SUGCT: variants seen among roughly 807,000 people sequenced by gnomAD.
SUGCT encodes the protein succinyl-CoA:glutarate CoA-transferase.
SUGCT carries 41 observed loss-of-function variants against 55.0 expected under a neutral mutation model. The observed-to-expected ratio is 0.74, with a 90% confidence interval of 0.58 to 0.97. SUGCT has a LOEUF of 0.97. Among genes scored for constraint, SUGCT ranks in the 50% least tolerant of loss-of-function variants. The probability of loss-of-function intolerance (pLI) is 0.00; values close to 1 mark genes in which losing one functional copy is unlikely to be tolerated. For missense variants in SUGCT, 568 were observed against 547.8 expected (o/e 1.04, Z -0.37); for synonymous variants, 187 against 200.4 (o/e 0.93, Z 0.56).
intron 12 of SUGCT, among the ~76,000 whole-genome samples, chr7:40,736,194 TATATA>T (rs557596294): frequency 5.0e-4 from 74 of 147,344 alleles, no homozygotes; most frequent in African/African-American, 1.8e-3. Context: ...AATTTATCAA[TATATA>T]ATATATCAAT....
At chr7:40,843,031 C>T (rs1434482523) in intron 13 of SUGCT, among the ~76,000 whole-genome samples, 2 of 152,184 alleles carry the variant, frequency 1.3e-5, no homozygotes, top group African/African-American at 2.4e-5. Flanking sequence ...CTTGGTTAAA[C>T]TCAATCAGTC....
intron 7 of SUGCT, among the ~76,000 whole-genome samples, chr7:40,247,383 G>T (rs969793340): frequency 1.3e-5 from 2 of 152,092 alleles, no homozygotes; most frequent in Admixed American, 1.3e-4. Flanking sequence ...AGCCTCCTGA[G>T]TAGCTGGGAT....
At chr7:40,229,170 G>A (rs1788564904) in intron 6 of SUGCT, among the ~76,000 whole-genome samples, 1 of 152,118 alleles carries the variant, frequency 6.6e-6, no homozygotes, top group Non-Finnish European at 1.5e-5. Context: ...CAGTGATACT[G>A]GGTTAGTCTT....
intron 11 of SUGCT, among the ~76,000 whole-genome samples, chr7:40,493,911 G>A (rs183584734): frequency 9.9e-5 from 15 of 152,276 alleles, no homozygotes; most frequent in Admixed American, 3.9e-4. Context: ...ATGCAACGAT[G>A]TTCTGTCTCT....
intron 12 of SUGCT, among the ~76,000 whole-genome samples, chr7:40,690,711 G>C (rs1162567057): frequency 6.6e-6 from 1 of 152,076 alleles, no homozygotes; most frequent in Non-Finnish European, 1.5e-5. Context: ...TGGGACTACA[G>C]GCACGTGCCA....
At chr7:40,224,399 C>CGTGTGTGT (rs61318990) in intron 6 of SUGCT, among the ~76,000 whole-genome samples, 99 of 145,472 alleles carry the variant, frequency 6.8e-4, no homozygotes, top group Non-Finnish European at 1.3e-3. Flanking sequence ...ATAATCTGTG[C>CGTGTGTGT]GTGTGTGTGT....
At chr7:40,154,681 C>G (rs1243759150) in intron 1 of SUGCT, among the ~76,000 whole-genome samples, 1 of 152,114 alleles carries the variant, frequency 6.6e-6, no homozygotes, top group East Asian at 1.9e-4. Flanking sequence ...GAAAGCTACT[C>G]TGGCCTAAAG....
the SUGCT span, among the ~76,000 whole-genome samples, chr7:40,942,182 T>A: frequency 3.3e-5 from 5 of 152,190 alleles, no homozygotes; most frequent in Non-Finnish European, 7.4e-5. Flanking sequence ...TTCAAGAGGT[T>A]CTATTCTAGT....
intron 12 of SUGCT, among the ~76,000 whole-genome samples, chr7:40,726,544 T>C (rs976225406): frequency 6.6e-6 from 1 of 152,188 alleles, no homozygotes; most frequent in Non-Finnish European, 1.5e-5. Flanking sequence ...AAGGGTCATC[T>C]GTATTACCCA....
intron 12 of SUGCT, among the ~76,000 whole-genome samples, chr7:40,555,794 G>A (rs191012419): frequency 1.3e-5 from 2 of 152,012 alleles, no homozygotes; most frequent in Admixed American, 1.3e-4. Context: ...TCATATCTCG[G>A]TGTGGCTGCT....
intron 12 of SUGCT, among the ~76,000 whole-genome samples, chr7:40,685,301 A>G (rs771120543): frequency 1.1e-4 from 16 of 152,240 alleles, no homozygotes; most frequent in Non-Finnish European, 2.1e-4. Context: ...CAAGAAATTT[A>G]CAAATTATAA....
rs555336357 is a variant in SUGCT, at chr7:40,821,964, T to C, written c.1154-38352T>C. 3.9e-5 allele frequency among the ~76,000 whole-genome samples: 6 copies of C among 152,336 alleles called. No individual in the cohort carries two copies. In the East Asian group the frequency reaches 1.2e-3, roughly 29 times the overall value. On this transcript the variant is annotated intron_variant, in intron 13 of 13. Coordinates refer to ENST00000335693, the MANE Select transcript of SUGCT (RefSeq NM_001193313.2). ...GTCCCAGAGATTCTGGTATGTTGTGTCTGTGTTCTCATTGGTTTCAAAGAA... is the reference window on the plus strand; with the variant it reads ...GTCCCAGAGATTCTGGTATGTTGTGCCTGTGTTCTCATTGGTTTCAAAGAA...
Position 40,385,972 on chromosome 7 carries a change from A to T in SUGCT, c.817-63315A>T, listed in dbSNP as rs576161619. Reference sequence around the variant, plus strand: ...CTTAAGCAGATTTTATTGATTATAAATAAAATAGCTTAAAAATAAAGCTTT... The same window carrying T: ...CTTAAGCAGATTTTATTGATTATAATTAAAATAGCTTAAAAATAAAGCTTT... On this transcript the variant is annotated intron_variant, in intron 9 of 13. Transcript: ENST00000335693. 2.6e-5 allele frequency among the ~76,000 whole-genome samples: 4 copies of T among 152,380 alleles called. No individual in the cohort carries two copies. The South Asian group carries it at 8.3e-4, about 32-fold the overall frequency.
At chr7:40,662,296 C>T (rs962341400) in intron 12 of SUGCT, among the ~76,000 whole-genome samples, 2 of 152,222 alleles carry the variant, frequency 1.3e-5, no homozygotes, top group Non-Finnish European at 2.9e-5. Context: ...TGGTCTACTT[C>T]AAGAGCCACC....
chr7:40,958,966 A>G, the SUGCT span, among the ~76,000 whole-genome samples: 12 of 152,234 alleles, frequency 7.9e-5, no homozygotes, highest in African/African-American at 2.9e-4. Flanking sequence ...TCCACTCCAG[A>G]CCCTGTTTGC....
chr7:40,548,547 A>G (rs1795135020), intron 12 of SUGCT, among the ~76,000 whole-genome samples: 1 of 152,092 alleles, frequency 6.6e-6, no homozygotes, highest in African/African-American at 2.4e-5. Flanking sequence ...GGTTCACAGA[A>G]AAATTGAGCA....
chr7:40,833,026 C>T (rs751489889), intron 13 of SUGCT, among the ~76,000 whole-genome samples: 1 of 151,954 alleles, frequency 6.6e-6, no homozygotes, highest in Non-Finnish European at 1.5e-5. Context: ...GTCCATAGAC[C>T]TCTGCTCGGG....
At chr7:40,951,213 T>C in the SUGCT span, among the ~76,000 whole-genome samples, 1 of 152,348 alleles carries the variant, frequency 6.6e-6, no homozygotes, top group Middle Eastern at 3.4e-3. Flanking sequence ...GAGGAATTTA[T>C]CCATTTCTTC....
At chr7:40,768,014 T>A (rs746171019) in intron 13 of SUGCT, among the ~76,000 whole-genome samples, 12 of 152,202 alleles carry the variant, frequency 7.9e-5, no homozygotes, top group Non-Finnish European at 1.5e-4. Flanking sequence ...TGACTGCGTC[T>A]GAAGACATAG....
Sources: allele counts gnomAD v4.1 joint callset (sites outside exome capture counted in the v4.1 genomes callset), GRCh38; gene constraint gnomAD v4.1.1; transcripts MANE v1.5; gene names NCBI Gene and HGNC (gene_info 2026-07-23, HGNC 2026-07-21).